Variants in NRXN1 observed in about 807,000 individuals in gnomAD.
NRXN1 encodes neurexin 1, also known as neurexin-1.
In NRXN1, 39 loss-of-function variants were observed where a neutral mutation model predicts 150.9. The observed-to-expected ratio is 0.26, with a 90% CI of 0.20 to 0.34. The LOEUF (loss-of-function observed/expected upper bound fraction) is 0.34. Ranked by LOEUF, NRXN1 falls within the 10% of genes least tolerant of loss-of-function variation. NRXN1 has a pLI of 1.00. For missense variants in NRXN1, 1,815 were observed against 1,949.9 expected, an observed-to-expected ratio of 0.93 and a Z score of 1.30; for synonymous variants, 924 against 757.0, an observed-to-expected ratio of 1.22 and a Z score of -3.62.
intron 18 of NRXN1, among the ~76,000 whole-genome samples, chr2:50,225,697 C>A (rs2064308988): frequency 6.6e-6 from 1 of 151,876 alleles, no homozygotes; most frequent in Admixed American, 6.6e-5. Context: ...CAGATATGAA[C>A]AGCGGCACTC....
chr2:49,950,260 G>T (rs1376138954), intron 21 of NRXN1, among the ~76,000 whole-genome samples: 1 of 151,890 alleles, frequency 6.6e-6, no homozygotes, highest in Non-Finnish European at 1.5e-5. Flanking sequence ...CTATTAAGGT[G>T]CAAGAGGAAT....
At chr2:50,006,119 C>T (rs896371894) in intron 21 of NRXN1, among the ~76,000 whole-genome samples, 4 of 152,074 alleles carry the variant, frequency 2.6e-5, no homozygotes, top group African/African-American at 9.7e-5. Flanking sequence ...CAGCTTGTTC[C>T]CTTTCTCTTT....
chr2:50,251,668 T>A (rs1292630079), intron 17 of NRXN1, among the ~76,000 whole-genome samples: 1 of 152,170 alleles, frequency 6.6e-6, no homozygotes, highest in Non-Finnish European at 1.5e-5. Context: ...AGCATTCCTC[T>A]TTCTCCAGAG....
rs1232730614 is a variant in NRXN1 at position 50,395,229 on chromosome 2, A to G, written c.3364+70213T>C. 2.6e-5 allele frequency among the ~76,000 whole-genome samples: 4 copies of G among 151,858 alleles called. No homozygotes were observed. The East Asian group carries it at 7.8e-4, about 30-fold the overall frequency. ...CTGACATATAGTTGACACTCAACAA[A>G]TGGTTGCCAAATAAATGAATAAATT... On this transcript the variant is annotated intron_variant, in intron 17 of 22. Transcript: ENST00000401669.
chr2:50,210,464 C>T (rs1356885), intron 18 of NRXN1, among the ~76,000 whole-genome samples: 36,231 of 151,480 alleles, frequency 0.24, 4,745 homozygotes, highest in East Asian at 0.43. Context: ...TGAGTCATAG[C>T]TATTATTGGA....
chr2:51,031,741 T>A (rs1292086564), intron 1 of NRXN1, among the ~76,000 whole-genome samples: 1 of 152,070 alleles, frequency 6.6e-6, no homozygotes, highest in African/African-American at 2.4e-5. Context: ...TTCTTTCTTT[T>A]GCTAATACAT....
intron 15 of NRXN1, among the ~76,000 whole-genome samples, chr2:50,489,898 G>A (rs560626260): frequency 6.6e-6 from 1 of 152,286 alleles, no homozygotes; most frequent in East Asian, 1.9e-4. Context: ...GCATGGGAAG[G>A]GAATGTTTTA....
intron 17 of NRXN1, among the ~76,000 whole-genome samples, chr2:50,250,442 T>G (rs2152897362): frequency 6.6e-6 from 1 of 152,232 alleles, no homozygotes; most frequent in Admixed American, 6.5e-5. Context: ...AATATTTTTT[T>G]TTTTTAGCGG....
chr2:50,437,741 A>C (rs1247283452), intron 17 of NRXN1, among the ~76,000 whole-genome samples: 1 of 151,870 alleles, frequency 6.6e-6, no homozygotes. Flanking sequence ...AAAAGACAAA[A>C]AGGGAAGATT....
chr2:50,394,978 T>C (rs1037043384), intron 17 of NRXN1, among the ~76,000 whole-genome samples: 2 of 152,082 alleles, frequency 1.3e-5, no homozygotes, highest in African/African-American at 4.8e-5. Context: ...TTCTAGGGTA[T>C]AATAAAAGGT....
intron 18 of NRXN1, among the ~76,000 whole-genome samples, chr2:50,198,511 T>C (rs1303293816): frequency 1.3e-5 from 2 of 152,176 alleles, no homozygotes; most frequent in African/African-American, 2.4e-5. Flanking sequence ...ATGCCCATAA[T>C]GTAACTGAAG....
Position 50,904,751 on chromosome 2 carries a change from A to T in NRXN1, c.832+17118T>A, listed in dbSNP as rs143153607. 3.5e-3 allele frequency among the ~76,000 whole-genome samples: 539 copies of T among 152,150 alleles called. 5 individuals carry two copies. The highest frequency in any genetic ancestry group is 0.012 in the African/African-American group (505 of 41,516). ...TGAAATAAACTTTCTTAATTTTCAT[A>T]TTCCCTTTTCATTATAATCTCTATC... On this transcript the variant is annotated intron_variant, in intron 5 of 22. Coordinates refer to ENST00000401669, the MANE Select transcript of NRXN1 (RefSeq NM_001330078.2).
intron 5 of NRXN1, among the ~76,000 whole-genome samples, chr2:50,819,287 A>G (rs1159150683): frequency 6.6e-6 from 1 of 152,184 alleles, no homozygotes; most frequent in Non-Finnish European, 1.5e-5. Context: ...ACCTGTGTCC[A>G]TTGACAGATA....
intron 18 of NRXN1, among the ~76,000 whole-genome samples, chr2:50,186,476 G>A (rs745418663): frequency 2.6e-5 from 4 of 152,020 alleles, no homozygotes; most frequent in African/African-American, 7.2e-5. Context: ...TCCTGAGCTG[G>A]TGCTGGTTCA....
chr2:50,346,952 C>A lies in NRXN1; in HGVS notation c.3365-109982G>T, dbSNP rs981977916. On this transcript the variant is annotated intron_variant, in intron 17 of 22. Transcript: ENST00000401669. This position sits in a 1 kb window ranked among gnomAD's most constrained non-coding sequence, Gnocchi z 5.0. The stretch of plus-strand genomic sequence containing the variant: ...CACCGGAGCATCCTCTGGTACATGG[C>A]GGGGCGCCCGCCGAGGGGCAGCCGC... 1.5e-6 allele frequency: 2 copies of A among 1,368,034 alleles called. No individual in the cohort carries two copies. The highest frequency in any genetic ancestry group is 1.4e-5 in the South Asian group (1 of 69,276). 84.7% of individuals were successfully genotyped at this position (1,368,034 alleles called of 1,614,324 possible).
chr2:50,795,066 G>C (rs1318214473), intron 5 of NRXN1, among the ~76,000 whole-genome samples: 1 of 152,038 alleles, frequency 6.6e-6, no homozygotes, highest in South Asian at 2.1e-4. Context: ...AAGGAATTTT[G>C]TTAACTACAT....
At chr2:50,089,269 A>AC (rs1699225647) in intron 19 of NRXN1, among the ~76,000 whole-genome samples, 1 of 152,226 alleles carries the variant, frequency 6.6e-6, no homozygotes, top group African/African-American at 2.4e-5. Flanking sequence ...CAAATGCCAC[A>AC]CTGCAATAGT....
chr2:50,438,533 T>A (rs187773127), intron 17 of NRXN1, among the ~76,000 whole-genome samples: 4 of 152,334 alleles, frequency 2.6e-5, no homozygotes, highest in East Asian at 3.9e-4. Context: ...TGTGTCAACT[T>A]GGAAATGATC....
intron 19 of NRXN1, among the ~76,000 whole-genome samples, chr2:50,089,703 T>A (rs1699287909): frequency 1.3e-5 from 2 of 151,186 alleles, no homozygotes; most frequent in African/African-American, 4.9e-5. Context: ...GGAAGGAGGA[T>A]CCTGTGAGCC....
Sources: gnomAD v4.1 joint callset for allele counts (sites outside exome capture counted in the v4.1 genomes callset) on GRCh38, gnomAD v4.1.1 for gene constraint, Gnocchi (gnomAD v3.1) non-coding constraint, MANE v1.5 for transcripts, NCBI Gene and HGNC (gene_info 2026-07-23, HGNC 2026-07-21) for gene names.